The following DTD1 variants were observed in gnomAD, a reference collection of about 807,000 sequenced individuals.
DTD1 encodes the protein D-aminoacyl-tRNA deacylase 1, also known as D-tyrosyl-tRNA deacylase 1 homolog.
In DTD1, 13 loss-of-function variants were observed where a neutral mutation model predicts 25.6. The observed-to-expected ratio is 0.51, with a 90% CI of 0.33 to 0.81. The LOEUF (loss-of-function observed/expected upper bound fraction) is 0.81, where lower values mean the gene tolerates loss of function less well. DTD1 is among the 30% of genes least tolerant of loss of function. DTD1 has a pLI of 0.02. For missense variants in DTD1, 193 were observed against 266.4 expected (o/e 0.72, Z 1.92); for synonymous variants, 110 against 103.6 (o/e 1.06, Z -0.37).
At chr20:18,648,523 G>C (rs111599967) in intron 4 of DTD1, among the ~76,000 whole-genome samples, 2 of 152,202 alleles carry the variant, frequency 1.3e-5, no homozygotes, top group African/African-American at 4.8e-5. Context: ...AGGTCTCAGT[G>C]TAAAATGAAA....
At chr20:18,714,352 G>A (rs2061171531) in intron 4 of DTD1, among the ~76,000 whole-genome samples, 1 of 152,106 alleles carries the variant, frequency 6.6e-6, no homozygotes, top group Admixed American at 6.6e-5. Flanking sequence ...TTGTTCTCAT[G>A]CTTGGGTTCA....
chr20:18,655,669 C>T (rs913962312), intron 4 of DTD1, among the ~76,000 whole-genome samples: 6 of 152,164 alleles, frequency 3.9e-5, no homozygotes, highest in Non-Finnish European at 7.4e-5. Context: ...GCACACATCA[C>T]GTCAGGGGCA....
At chr20:18,751,778 G>A (rs183670743) in intron 5 of DTD1, among the ~76,000 whole-genome samples, 102 of 151,954 alleles carry the variant, frequency 6.7e-4, no homozygotes, top group Non-Finnish European at 8.8e-5. Context: ...ACAGGAGTGA[G>A]CCACCATGGC....
intron 4 of DTD1, among the ~76,000 whole-genome samples, chr20:18,670,480 C>T (rs2060947929): frequency 9.9e-5 from 15 of 152,162 alleles, no homozygotes; most frequent in Admixed American, 9.2e-4. Flanking sequence ...AAATGTAAGT[C>T]ATTTCCATTT....
chr20:18,761,081 C>T (rs866194204), intron 5 of DTD1, among the ~76,000 whole-genome samples: 1 of 152,170 alleles, frequency 6.6e-6, no homozygotes, highest in Non-Finnish European at 1.5e-5. Context: ...AAGACCATTG[C>T]AAAAGCGCAT....
chr20:18,697,753 C>T (rs558660224), intron 4 of DTD1, among the ~76,000 whole-genome samples: 4 of 152,328 alleles, frequency 2.6e-5, no homozygotes, highest in East Asian at 1.9e-4. Flanking sequence ...GGCGCTATCT[C>T]GGCTCACTGC....
intron 3 of DTD1, 24 bp downstream of exon 3, chr20:18,596,265 G>GA (rs1207830625): frequency 6.2e-7 from 1 of 1,604,146 alleles, no homozygotes; most frequent in Non-Finnish European, 8.5e-7. Flanking sequence ...CCACATCCAG[G>GA]AACGGGTCTT....
At chr20:18,656,592 G>A (rs1205596898) in intron 4 of DTD1, among the ~76,000 whole-genome samples, 1 of 152,188 alleles carries the variant, frequency 6.6e-6, no homozygotes, top group African/African-American at 2.4e-5. Context: ...GATGCTGGGG[G>A]AGCACTATGT....
chr20:18,740,172 C>T (rs1309834664), intron 4 of DTD1, among the ~76,000 whole-genome samples: 1 of 152,040 alleles, frequency 6.6e-6, no homozygotes, highest in African/African-American at 2.4e-5. Context: ...CCATCGTCCT[C>T]TCTGGATCTG....
intron 3 of DTD1, among the ~76,000 whole-genome samples, chr20:18,616,373 T>C (rs2060708997): frequency 6.6e-6 from 1 of 152,202 alleles, no homozygotes; most frequent in African/African-American, 2.4e-5. Context: ...TATATCTACT[T>C]TCGTTATTAA....
At chr20:18,642,697 C>G (rs6132093) in intron 4 of DTD1, 77,232 of 152,098 alleles carry the variant, frequency 0.51, 19,973 homozygotes, top group Middle Eastern at 0.57. Context: ...AGTGTTTTCA[C>G]CATGTTCTGG....
chr20:18,638,366 CAAACAA>C (rs1472273114), intron 4 of DTD1, among the ~76,000 whole-genome samples: 1 of 152,040 alleles, frequency 6.6e-6, no homozygotes, highest in Non-Finnish European at 1.5e-5. Context: ...AGTGGAGAAA[CAAACAA>C]AAACAAAAAC....
chr20:18,632,480 A>G, intron 4 of DTD1: 1 of 985,444 alleles, frequency 1.0e-6, no homozygotes, highest in South Asian at 4.7e-5. Flanking sequence ...TCTGAATTAG[A>G]AGGAGTTTCC....
intron 4 of DTD1, among the ~76,000 whole-genome samples, chr20:18,703,816 T>G (rs1410934337): frequency 6.6e-6 from 1 of 152,112 alleles, no homozygotes; most frequent in Non-Finnish European, 1.5e-5. Flanking sequence ...TAACTGAACT[T>G]TTAAAATACT....
chr20:18,590,342 C>G (rs1029674487), intron 1 of DTD1, among the ~76,000 whole-genome samples: 1 of 152,076 alleles, frequency 6.6e-6, no homozygotes, highest in Non-Finnish European at 1.5e-5. Context: ...ACCGCTATGT[C>G]CAGCTTAGGA....
intron 5 of DTD1, among the ~76,000 whole-genome samples, chr20:18,757,659 T>C (rs1161601027): frequency 1.3e-5 from 2 of 152,262 alleles, no homozygotes; most frequent in Non-Finnish European, 2.9e-5. Flanking sequence ...GATGTGCTGC[T>C]GGATTTGGTT....
At chr20:18,637,368 T>C (rs1366218810) in intron 4 of DTD1, among the ~76,000 whole-genome samples, 1 of 152,178 alleles carries the variant, frequency 6.6e-6, no homozygotes, top group Non-Finnish European at 1.5e-5. Flanking sequence ...GAAAAGCCGA[T>C]GCAGCAACAA....
intron 4 of DTD1, among the ~76,000 whole-genome samples, chr20:18,635,514 G>A (rs1429131000): frequency 6.6e-6 from 1 of 152,206 alleles, no homozygotes; most frequent in Non-Finnish European, 1.5e-5. Context: ...CCTCTGGGGA[G>A]TGAGTTGGGT....
chr20:18,713,153 A>C (rs2061166574), intron 4 of DTD1, among the ~76,000 whole-genome samples: 1 of 152,238 alleles, frequency 6.6e-6, no homozygotes, highest in Admixed American at 6.5e-5. Context: ...TCTTTTGCAG[A>C]GGTCACTCTT....
Sources: gnomAD v4.1 joint callset for allele counts (sites outside exome capture counted in the v4.1 genomes callset) on GRCh38, gnomAD v4.1.1 for gene constraint, MANE v1.5 for transcripts, NCBI Gene and HGNC (gene_info 2026-07-23, HGNC 2026-07-21) for gene names.